Variants in ANKRD13C observed in about 807,000 individuals in gnomAD.
The protein encoded by ANKRD13C is ankyrin repeat domain 13C, also known as ankyrin repeat domain-containing protein 13C.
ANKRD13C carries 16 observed loss-of-function variants against 65.5 expected under a neutral mutation model. The ratio of observed to expected loss-of-function variants is 0.24; its 90% CI spans 0.17 to 0.37. The LOEUF is 0.37. Ranked by LOEUF, ANKRD13C falls within the 10% of genes least tolerant of loss-of-function variation. ANKRD13C has a pLI of 1.00. For synonymous variants in ANKRD13C, 235 were observed against 238.7 expected, an observed-to-expected ratio of 0.98 and a Z score of 0.14; for missense variants, 503 against 655.9, an observed-to-expected ratio of 0.77 and a Z score of 2.55.
intron 9 of ANKRD13C, among the ~76,000 whole-genome samples, chr1:70,288,946 C>T (rs1176350477): frequency 6.6e-6 from 1 of 152,100 alleles, no homozygotes; most frequent in Non-Finnish European, 1.5e-5. Flanking sequence ...TGTGAATTTA[C>T]AATATTTCAA....
At chr1:70,306,000 TTA>T (rs1205370603) in intron 6 of ANKRD13C, 2 of 256,242 alleles carry the variant, frequency 7.8e-6, no homozygotes, top group African/African-American at 4.5e-5. Context: ...AGTCAAGATT[TTA>T]TGTCTTTTCC....
chr1:70,269,013 A>C (rs975229443), intron 12 of ANKRD13C, among the ~76,000 whole-genome samples: 3 of 150,296 alleles, frequency 2.0e-5, no homozygotes, highest in South Asian at 4.3e-4. Context: ...AGCATTAGGT[A>C]TATCTCCCAA....
rs1207425829 is a variant in ANKRD13C, at chr1:70,259,224, T to C, written c.*3493A>G. Among the ~76,000 whole-genome samples the C allele has an allele frequency of 6.6e-6, 1 of 152,186 alleles. No homozygotes were observed. Among genetic ancestry groups the C allele is most frequent in the East Asian group, 1.9e-4 (1 of 5,202 alleles). Reference sequence around the variant, plus strand: ...GAACTCTATGTATGGGAGGTACAGGTAAATAAGTGGTGGGTTTTATCTTTT... The same window carrying C: ...GAACTCTATGTATGGGAGGTACAGGCAAATAAGTGGTGGGTTTTATCTTTT... On this transcript the variant is annotated 3_prime_UTR_variant, in exon 13 of 13. Coordinates refer to ENST00000370944, the MANE Select transcript of ANKRD13C (RefSeq NM_030816.5).
chr1:70,261,685 T>A lies in ANKRD13C; in HGVS notation c.*1032A>T, dbSNP rs892266886. The stretch of plus-strand genomic sequence containing the variant: ...ACTTTAACTTGTAACAAATATATTC[T>A]GTTAGCATATAAAATGTTTTTATCT... On this transcript the variant is annotated 3_prime_UTR_variant, in exon 13 of 13. Transcript: ENST00000370944. 2 of 152,572 alleles carry A rather than the reference T, an allele frequency of 1.3e-5. No homozygotes were observed. The highest frequency in any genetic ancestry group is 4.8e-5 in the African/African-American group (2 of 41,458). 9.5% of individuals were successfully genotyped at this position (152,572 alleles called of 1,614,324 possible).
At chr1:70,282,971 G>C (rs2101187109) in intron 9 of ANKRD13C, among the ~76,000 whole-genome samples, 1 of 149,836 alleles carries the variant, frequency 6.7e-6, no homozygotes, top group South Asian at 2.1e-4. Flanking sequence ...TTCCAAGTAA[G>C]TTTCTACCAT....
intron 2 of ANKRD13C, among the ~76,000 whole-genome samples, chr1:70,331,820 C>CAAAAAAA (rs10526340): frequency 1.9e-4 from 13 of 70,002 alleles, no homozygotes; most frequent in South Asian, 9.0e-4. Context: ...AGACTCGACT[C>CAAAAAAA]AAAAAAAAAA....
At chr1:70,350,169 T>C (rs1349233299) in intron 1 of ANKRD13C, among the ~76,000 whole-genome samples, 1 of 152,152 alleles carries the variant, frequency 6.6e-6, no homozygotes, top group Non-Finnish European at 1.5e-5. Context: ...ATTAACATAC[T>C]CTTGCACTGC....
At chr1:70,345,488 TGTATTA>T (rs1043345209) in intron 1 of ANKRD13C, among the ~76,000 whole-genome samples, 2 of 152,190 alleles carry the variant, frequency 1.3e-5, no homozygotes, top group African/African-American at 4.8e-5. Context: ...TTTTTTGTAC[TGTATTA>T]CACTGAAATA....
intron 1 of ANKRD13C, among the ~76,000 whole-genome samples, chr1:70,351,737 T>A (rs1277166219): frequency 6.6e-6 from 1 of 152,164 alleles, no homozygotes; most frequent in East Asian, 1.9e-4. Flanking sequence ...TAAGTATTTA[T>A]CTTCTATAAT....
rs184167493 is a variant in ANKRD13C at position 70,345,138 on chromosome 1, T to C, written c.430+8841A>G. ...CACACCAAAATTCACTTCTTAAAAG[T>C]TGGTTGCACAGCTGGGCGCGGTGGC... is the stretch of plus-strand genomic sequence containing the variant. On this transcript the variant is annotated intron_variant, in intron 1 of 12. Coordinates refer to ENST00000370944, the MANE Select transcript of ANKRD13C (RefSeq NM_030816.5). Among the ~76,000 whole-genome samples, 183 of 152,208 alleles carry C rather than the reference T, an allele frequency of 1.2e-3. 2 individuals are homozygous for C. Among genetic ancestry groups the C allele is most frequent in the African/African-American group, 4.3e-3 (179 of 41,532 alleles).
At position 70,324,846 on chromosome 1, in the gene ANKRD13C, T is replaced by C. The variant is rs749195300; in HGVS notation, c.577+7A>G. 3.2e-6 allele frequency: 5 copies of C among 1,580,436 alleles called. No homozygotes were observed. The highest frequency in any genetic ancestry group is 4.3e-6 in the Non-Finnish European group (5 of 1,157,622). On this transcript the variant is annotated splice_region_variant and intron_variant, in intron 3 of 12. Coordinates refer to ENST00000370944, the MANE Select transcript of ANKRD13C (RefSeq NM_030816.5). The stretch of plus-strand genomic sequence containing the variant: ...ATATATCAACAACAGTAATTCATAT[T>C]GCTTACTCATCTGCCTATCTCCATA...
At chr1:70,282,736 G>T (rs1240823174) in intron 9 of ANKRD13C, among the ~76,000 whole-genome samples, 1 of 152,170 alleles carries the variant, frequency 6.6e-6, no homozygotes, top group African/African-American at 2.4e-5. Flanking sequence ...AAAGCAGAGA[G>T]ACATGCGTTT....
At chr1:70,330,670 T>C (rs966950039) in intron 2 of ANKRD13C, among the ~76,000 whole-genome samples, 4 of 151,360 alleles carry the variant, frequency 2.6e-5, no homozygotes, top group African/African-American at 9.7e-5. Context: ...AATAGGACAG[T>C]TGGAAACAAC....
intron 6 of ANKRD13C, among the ~76,000 whole-genome samples, chr1:70,302,715 G>C (rs1477508072): frequency 8.7e-5 from 6 of 68,824 alleles, no homozygotes; most frequent in Non-Finnish European, 1.4e-4. Context: ...GACAGAGCGA[G>C]ACTCCGTCTC....
intron 5 of ANKRD13C, among the ~76,000 whole-genome samples, chr1:70,306,760 G>C (rs1680603701): frequency 6.6e-6 from 1 of 152,160 alleles, no homozygotes; most frequent in African/African-American, 2.4e-5. Flanking sequence ...CCAAATATGT[G>C]CCTTGGTTAT....
chr1:70,299,865 A>G (rs1424465376), intron 7 of ANKRD13C, among the ~76,000 whole-genome samples: 1 of 152,204 alleles, frequency 6.6e-6, no homozygotes, highest in Non-Finnish European at 1.5e-5. Context: ...TTTGTAAATC[A>G]TCAACCTATA....
chr1:70,334,955 C>T (rs1450940795), intron 2 of ANKRD13C, among the ~76,000 whole-genome samples: 2 of 151,774 alleles, frequency 1.3e-5, no homozygotes, highest in Non-Finnish European at 2.9e-5. Context: ...CTAGCAATAT[C>T]CCTAGGCCCA....
intron 11 of ANKRD13C, 133 bp downstream of exon 11, chr1:70,274,587 A>G: frequency 2.9e-6 from 2 of 687,096 alleles, no homozygotes; most frequent in South Asian, 3.6e-5. Context: ...AACAGTGCAC[A>G]CACTATCAAG....
At chr1:70,312,245 G>T (rs1680878794) in intron 5 of ANKRD13C, among the ~76,000 whole-genome samples, 1 of 152,138 alleles carries the variant, frequency 6.6e-6, no homozygotes, top group African/African-American at 2.4e-5. Context: ...GCAAACCCAA[G>T]TGTATTGTGA....
Sources: gnomAD v4.1 joint callset for allele counts (sites outside exome capture counted in the v4.1 genomes callset) on GRCh38, gnomAD v4.1.1 for gene constraint, MANE v1.5 for transcripts, NCBI Gene and HGNC (gene_info 2026-07-23, HGNC 2026-07-21) for gene names.